The following AP3S2 variants were observed in gnomAD, a reference collection of about 807,000 sequenced individuals.
AP3S2 encodes the protein AP-3 complex subunit sigma-2.
Under a neutral mutation model 23.4 loss-of-function variants are expected in AP3S2, and 22 were observed. The observed-to-expected ratio is 0.94, with a 90% CI of 0.67 to 1.34. AP3S2 has a LOEUF of 1.34. Among genes scored for constraint, AP3S2 ranks in the 40% most tolerant of loss-of-function variants. The probability of loss-of-function intolerance (pLI) is 0.00; values close to 1 mark genes in which losing one functional copy is unlikely to be tolerated. For missense variants in AP3S2, 241 were observed against 236.9 expected, an observed-to-expected ratio of 1.02 and a Z score of -0.11; for synonymous variants, 86 against 87.1, an observed-to-expected ratio of 0.99 and a Z score of 0.07.
intron 4 of AP3S2, among the ~76,000 whole-genome samples, chr15:89,870,226 T>G (rs1896286456): frequency 6.6e-6 from 1 of 152,086 alleles, no homozygotes; most frequent in Non-Finnish European, 1.5e-5. Flanking sequence ...ATCTTTAACA[T>G]ATGAAAAGTA....
At position 89,856,960 on chromosome 15, in the gene AP3S2, T is replaced by G. The variant is rs532684451; in HGVS notation, c.345+14515A>C. ...CTATTTCACATCAACTAATCAACTC[T>G]GACTGTCCTGTATTGTTTGGATAAC... On this transcript the variant is annotated intron_variant, in intron 4 of 5. Transcript: ENST00000336418. 2.4e-4 allele frequency among the ~76,000 whole-genome samples: 36 copies of G among 152,154 alleles called. 1 individual carries two copies. In the South Asian group the frequency reaches 7.3e-3, roughly 31 times the overall value.
In AP3S2 at chr15:89,893,889, G is replaced by C. The variant is rs1355175254; in HGVS notation, c.61C>G (p.Gln21Glu). 1 of 1,551,618 alleles carries C rather than the reference G, an allele frequency of 6.4e-7. No homozygotes were observed. The highest frequency in any genetic ancestry group is 2.0e-5 in the Admixed American group (1 of 50,992). Residue 21 changes from glutamine to glutamate, a missense_variant, in exon 1 of 6, where the codon CAG becomes GAG. Transcript: ENST00000336418. ...AGCCGGGCCGCACTCACGAAACGCT[G>C]GTAGAAGCGGACTAGCCGTGGCTTC... is the stretch of plus-strand genomic sequence containing the variant. ...HGKPRLVRFY[Q>E]RFPEEIQQQI... is the part of the protein sequence containing the mutation.
At chr15:89,886,268 C>T (rs1265106267) in intron 3 of AP3S2, among the ~76,000 whole-genome samples, 2 of 152,022 alleles carry the variant, frequency 1.3e-5, no homozygotes, top group East Asian at 3.9e-4. Flanking sequence ...TCGCTTGAAC[C>T]AGGGAGTCGG....
Position 89,871,458 on chromosome 15 carries a change from A to G in AP3S2, c.345+17T>C. 1.2e-6 allele frequency: 2 copies of G among 1,607,416 alleles called. No individual in the cohort carries two copies. The highest frequency in any genetic ancestry group is 1.7e-6 in the Non-Finnish European group (2 of 1,177,568). ...TCTAGTAACCCTAGTTTGGAAGAGA[A>G]CTGCAAGAGAATATACCTTATCCAT... On this transcript the variant is annotated intron_variant, in intron 4 of 5. Transcript: ENST00000336418.
At chr15:89,878,007 A>C (rs1438534551) in intron 3 of AP3S2, among the ~76,000 whole-genome samples, 1 of 152,216 alleles carries the variant, frequency 6.6e-6, no homozygotes, top group African/African-American at 2.4e-5. Flanking sequence ...CTTTTTGAAC[A>C]TAAAGTGCTG....
intron 4 of AP3S2, among the ~76,000 whole-genome samples, chr15:89,864,812 G>T (rs1455784033): frequency 6.6e-6 from 1 of 152,140 alleles, no homozygotes; most frequent in Non-Finnish European, 1.5e-5. Flanking sequence ...AAAGTGCTGG[G>T]ATTATAGGCA....
intron 4 of AP3S2, among the ~76,000 whole-genome samples, chr15:89,849,589 G>T: frequency 6.6e-6 from 1 of 151,890 alleles, no homozygotes; most frequent in East Asian, 1.9e-4. Flanking sequence ...GGATGGTCTC[G>T]ATCTCCTGAC....
intron 4 of AP3S2, among the ~76,000 whole-genome samples, chr15:89,850,483 C>A (rs543199576): frequency 7.2e-5 from 11 of 152,206 alleles, no homozygotes; most frequent in Non-Finnish European, 1.6e-4. Context: ...AGCACAGGCA[C>A]ATGAGAGCAG....
chr15:89,853,387 C>G (rs1021035157), intron 4 of AP3S2, among the ~76,000 whole-genome samples: 4 of 152,206 alleles, frequency 2.6e-5, no homozygotes, highest in Admixed American at 2.6e-4. Flanking sequence ...TAAGACTTCA[C>G]TGATTGTAAA....
Position 89,834,653 on chromosome 15 carries a change from C to T in AP3S2, c.*862G>A, listed in dbSNP as rs1248024988. 6.6e-6 allele frequency: 1 copy of T among 152,296 alleles called. No homozygotes were observed. The highest frequency in any genetic ancestry group is 6.5e-5 in the Admixed American group (1 of 15,280). The allele number at this position is 152,296 out of a possible 1,614,324, so 9.4% of individuals were successfully genotyped here. A position where few individuals can be genotyped will look rare whatever the true frequency, so the allele number is the denominator to read the frequency against. On this transcript the variant is annotated 3_prime_UTR_variant, in exon 6 of 6. Transcript: ENST00000336418. ...GTGGCTCACACCTGTAATGCCAGCACTTTGGGAGGCCAAGGCGGGTAGATC... is the reference window on the plus strand; with the variant it reads ...GTGGCTCACACCTGTAATGCCAGCATTTTGGGAGGCCAAGGCGGGTAGATC...
In AP3S2 at chr15:89,893,992, A is replaced by G. The variant is rs1401660951; in HGVS notation, c.-43T>C. 1 of 1,541,144 alleles carries G rather than the reference A, an allele frequency of 6.5e-7. No individual in the cohort carries two copies. The highest frequency in any genetic ancestry group is 8.8e-7 in the Non-Finnish European group (1 of 1,140,156). On this transcript the variant is annotated 5_prime_UTR_variant, in exon 1 of 6. Transcript: ENST00000336418. ...CTCTCAGCACCGGCTACTCCCAGAA[A>G]GCTCCTCCTTCCGCCACAACACGAT...
rs1195000558 is a variant in AP3S2 at position 89,834,462 on chromosome 15, T to C, written c.*1053A>G. On this transcript the variant is annotated 3_prime_UTR_variant, in exon 6 of 6. Coordinates refer to ENST00000336418, the MANE Select transcript of AP3S2 (RefSeq NM_005829.5). ...GTGTGTGGTGGGTCCCTCTCCCTATTAGCAGAAATGTGTTGGGCATGAGCC... is the reference window on the plus strand; with the variant it reads ...GTGTGTGGTGGGTCCCTCTCCCTATCAGCAGAAATGTGTTGGGCATGAGCC... 2.0e-5 allele frequency: 3 copies of C among 152,274 alleles called. No homozygotes were observed. The East Asian group carries it at 5.8e-4, about 29-fold the overall frequency. 9.4% of individuals were successfully genotyped at this position (152,274 alleles called of 1,614,324 possible).
chr15:89,838,173 CACTG>C (rs1895241478), intron 4 of AP3S2: 1 of 164,726 alleles, frequency 6.1e-6, no homozygotes, highest in South Asian at 1.5e-4. Flanking sequence ...CCATCATCAA[CACTG>C]ACTGTCATTA....
intron 4 of AP3S2, among the ~76,000 whole-genome samples, chr15:89,861,965 A>T (rs1488495454): frequency 6.6e-6 from 1 of 152,154 alleles, no homozygotes; most frequent in Non-Finnish European, 1.5e-5. Flanking sequence ...CAGAGAGTTG[A>T]GGCAGGAACT....
chr15:89,845,809 G>A (rs1895473281), intron 4 of AP3S2: 1 of 152,178 alleles, frequency 6.6e-6, no homozygotes. Flanking sequence ...TTCACACAGT[G>A]TGCATTGAAC....
At chr15:89,868,730 T>C (rs56657787) in intron 4 of AP3S2, among the ~76,000 whole-genome samples, 1,311 of 72,246 alleles carry the variant, frequency 0.018, 16 homozygotes, top group African/African-American at 0.062. Context: ...CCGCCCCGTC[T>C]GGGAGGTGAG....
intron 4 of AP3S2, among the ~76,000 whole-genome samples, chr15:89,867,948 G>C (rs1896184335): frequency 1.3e-5 from 2 of 148,728 alleles, no homozygotes; most frequent in Admixed American, 1.3e-4. Context: ...CACCCGGCCA[G>C]CCGCCCCATC....
chr15:89,849,575 G>A (rs949218705), intron 4 of AP3S2, among the ~76,000 whole-genome samples: 3 of 152,076 alleles, frequency 2.0e-5, no homozygotes, highest in Non-Finnish European at 2.9e-5. Context: ...CACTATGTTA[G>A]CCAGGATGGT....
At chr15:89,859,274 T>C (rs1167840174) in intron 4 of AP3S2, among the ~76,000 whole-genome samples, 2 of 150,684 alleles carry the variant, frequency 1.3e-5, no homozygotes, top group Non-Finnish European at 2.9e-5. Flanking sequence ...TTTTCTTTTC[T>C]TTCTTTCCTT....
Sources: allele counts gnomAD v4.1 joint callset (sites outside exome capture counted in the v4.1 genomes callset), GRCh38; gene constraint gnomAD v4.1.1; transcripts MANE v1.5; gene names NCBI Gene and HGNC (gene_info 2026-07-23, HGNC 2026-07-21).